Variants in GON4L observed in about 807,000 individuals in gnomAD.
GON4L encodes GON-4-like protein.
GON4L carries 87 observed loss-of-function variants against 211.8 expected under a neutral mutation model. The observed-to-expected ratio is 0.41, with a 90% CI of 0.35 to 0.49. GON4L has a LOEUF of 0.49. GON4L is among the 20% of genes least tolerant of loss of function. GON4L has a pLI of 0.15. For synonymous variants in GON4L, 875 were observed against 962.6 expected (o/e 0.91, Z 1.68); for missense variants, 2,155 against 2,659.5 (o/e 0.81, Z 4.17).
chr1:155,767,086 AG>A, intron 20 of GON4L: 1 of 612,584 alleles, frequency 1.6e-6, no homozygotes, highest in Non-Finnish European at 2.8e-6. Context: ...GAAAAACAAT[AG>A]GGCTTTCTAG....
At chr1:155,789,070 C>T (rs1032210161) in intron 12 of GON4L, among the ~76,000 whole-genome samples, 2 of 139,574 alleles carry the variant, frequency 1.4e-5, no homozygotes, top group Admixed American at 7.7e-5. Flanking sequence ...GGTGACAGAG[C>T]GAGACTCCGT....
rs764849623 is a variant in GON4L at position 155,751,879 on chromosome 1, A to G, written c.6474-10T>C. 7 of 1,612,240 alleles carry G rather than the reference A, an allele frequency of 4.3e-6. No individual in the cohort carries two copies. The highest frequency in any genetic ancestry group is 2.2e-5 in the East Asian group (1 of 44,882). ...CACACGGTCAGCTTCCCTGTAACCC[A>G]GGTATCATGATTAACCCTAGGGAGC... On this transcript the variant is annotated splice_polypyrimidine_tract_variant and intron_variant, in intron 30 of 31. Transcript: ENST00000368331.
chr1:155,748,456 T>C, downstream of GON4L: 1 of 1,610,454 alleles, frequency 6.2e-7, no homozygotes, highest in East Asian at 2.2e-5. Flanking sequence ...ACACAGTCAC[T>C]GTTCCTTATC....
chr1:155,842,110 C>G (rs539045624), intron 2 of GON4L, among the ~76,000 whole-genome samples: 178 of 152,234 alleles, frequency 1.2e-3, no homozygotes, highest in African/African-American at 4.2e-3. Context: ...ACCTTCCCCC[C>G]GCTCCCCTTT....
chr1:155,828,492 T>G (rs1669430986), intron 2 of GON4L, among the ~76,000 whole-genome samples: 1 of 150,004 alleles, frequency 6.7e-6, no homozygotes, highest in South Asian at 2.1e-4. Context: ...AAACTCCATC[T>G]CAAACAAAAC....
chr1:155,789,314 G>A (rs1665278268), intron 12 of GON4L, among the ~76,000 whole-genome samples: 1 of 152,008 alleles, frequency 6.6e-6, no homozygotes, highest in South Asian at 2.1e-4. Flanking sequence ...AACAAATATG[G>A]AGCTCTAGTT....
At chr1:155,856,940 A>G (rs1262716095) in intron 1 of GON4L, among the ~76,000 whole-genome samples, 5 of 151,934 alleles carry the variant, frequency 3.3e-5, no homozygotes. Flanking sequence ...CTAGGAAAAC[A>G]TTTTCAAAAG....
chr1:155,799,034 C>T (rs1464953550), intron 11 of GON4L, among the ~76,000 whole-genome samples: 2 of 152,100 alleles, frequency 1.3e-5, no homozygotes, highest in South Asian at 2.1e-4. Flanking sequence ...CTGATATACC[C>T]CTCCTGTATT....
At chr1:155,807,703 CA>C (rs61248477) in intron 10 of GON4L, among the ~76,000 whole-genome samples, 110 of 52,900 alleles carry the variant, frequency 2.1e-3, no homozygotes, top group African/African-American at 4.7e-3. Flanking sequence ...GACTCCGTCT[CA>C]AAAAAAAAAA....
At chr1:155,776,895 T>C (rs1443101941) in intron 15 of GON4L, among the ~76,000 whole-genome samples, 2 of 152,128 alleles carry the variant, frequency 1.3e-5, no homozygotes, top group Non-Finnish European at 2.9e-5. Flanking sequence ...CTTTATCACA[T>C]ATATTTTGCT....
rs753374440 is a variant in GON4L at position 155,765,018 on chromosome 1, A to G, written c.4455T>C (p.Leu1485=). 1.2e-6 allele frequency: 2 copies of G among 1,614,114 alleles called. No individual in the cohort carries two copies. Among genetic ancestry groups the G allele is most frequent in the African/African-American group, 1.3e-5 (1 of 75,054 alleles). The part of the protein sequence containing the change: ...EMSSASEESV[L]SVPELQETME... The stretch of plus-strand genomic sequence containing the variant: ...CTCTCACCTGGAGTTCTGGGACAGA[A>G]AGCACAGATTCCTCAGAAGCTGATG... Residue 1485 remains leucine (L), a synonymous_variant, in exon 21 of 32, where the codon CTT becomes CTC. Transcript: ENST00000368331.
intron 12 of GON4L, among the ~76,000 whole-genome samples, chr1:155,786,218 T>C (rs1340934720): frequency 6.6e-6 from 1 of 152,124 alleles, no homozygotes; most frequent in African/African-American, 2.4e-5. Flanking sequence ...AGAGTTCTAT[T>C]CTCATGAAGC....
At chr1:155,785,220 A>G in intron 13 of GON4L, 114 bp downstream of exon 13, 1 of 794,312 alleles carries the variant, frequency 1.3e-6, no homozygotes, top group Non-Finnish European at 2.3e-6. Context: ...CTAAAAGGAG[A>G]ATTGGTTCAG....
intron 24 of GON4L, among the ~76,000 whole-genome samples, chr1:155,758,835 C>T (rs1238885335): frequency 6.6e-6 from 1 of 152,202 alleles, no homozygotes; most frequent in Non-Finnish European, 1.5e-5. Flanking sequence ...GCAGAGATCA[C>T]ACCACTGCAC....
chr1:155,839,294 GA>G (rs35328155), intron 2 of GON4L, among the ~76,000 whole-genome samples: 16 of 146,926 alleles, frequency 1.1e-4, no homozygotes, highest in African/African-American at 2.0e-4. Context: ...ATCTCAGTGG[GA>G]AAAAAAAAAG....
chr1:155,787,147 TG>T (rs1665031772), intron 12 of GON4L, among the ~76,000 whole-genome samples: 1 of 151,348 alleles, frequency 6.6e-6, no homozygotes, highest in African/African-American at 2.4e-5. Flanking sequence ...CCTGACCTCG[TG>T]ATCCACCCGC....
Position 155,811,754 on chromosome 1 carries a change from CAAAAAAAAA to C in GON4L, c.1452+1871_1452+1879del, listed in dbSNP as rs145360103. Among the ~76,000 whole-genome samples the C allele has an allele frequency of 1.5e-4, 5 of 33,052 alleles. No homozygotes were observed. The East Asian group carries it at 4.6e-3, about 30-fold the overall frequency. 21.7% of individuals were successfully genotyped at this position (33,052 alleles called of 152,430 possible). A position where few individuals can be genotyped will look rare whatever the true frequency, so the allele number is the denominator to read the frequency against. ...CTGGGAGACAGGCAAGACTCTGTCT[CAAAAAAAAA>C]AAAAAAAAAAAAAAAAGAAGGCTGG... On this transcript the variant is annotated intron_variant, in intron 10 of 31. Transcript: ENST00000368331.
At chr1:155,858,087 T>C (rs1244963605), upstream of GON4L, among the ~76,000 whole-genome samples, 3 of 152,268 alleles carry the variant, frequency 2.0e-5, no homozygotes, top group South Asian at 4.1e-4. Flanking sequence ...GTATTAAGTC[T>C]CCTAACTCTA....
chr1:155,827,947 C>T (rs1669371606), intron 2 of GON4L, among the ~76,000 whole-genome samples: 1 of 151,914 alleles, frequency 6.6e-6, no homozygotes, highest in South Asian at 2.1e-4. Flanking sequence ...TCCAGGAGTT[C>T]GGGACCAGCC....
Sources: gnomAD v4.1 joint callset for allele counts (sites outside exome capture counted in the v4.1 genomes callset) on GRCh38, gnomAD v4.1.1 for gene constraint, MANE v1.5 for transcripts, NCBI Gene and HGNC (gene_info 2026-07-23, HGNC 2026-07-21) for gene names.